Variants in RELL2 observed in about 807,000 individuals in gnomAD.
RELL2 encodes RELT-like protein 2.
Under a neutral mutation model 27.5 loss-of-function variants are expected in RELL2, and 18 were observed. The ratio of observed to expected loss-of-function variants is 0.65; its 90% CI spans 0.45 to 0.97. The LOEUF (loss-of-function observed/expected upper bound fraction) is 0.97, where lower values mean the gene tolerates loss of function less well. RELL2 is among the 50% of genes least tolerant of loss of function. RELL2 has a pLI of 0.00. For synonymous variants in RELL2, 156 were observed against 147.5 expected, an observed-to-expected ratio of 1.06 and a Z score of -0.42; for missense variants, 370 against 397.5, an observed-to-expected ratio of 0.93 and a Z score of 0.59.
Position 141,637,157 on chromosome 5 carries a change from A to T in RELL2, c.-1069A>T. Reference sequence around the variant, plus strand: ...GTGGTCACTTCTCTAGGAAGCTCCGAAGATCCCGCCACTCCGTCCCTCAAA... The same window carrying T: ...GTGGTCACTTCTCTAGGAAGCTCCGTAGATCCCGCCACTCCGTCCCTCAAA... On this transcript the variant is annotated 5_prime_UTR_variant, in exon 1 of 7. Transcript: ENST00000297164. The T allele has an allele frequency of 4.6e-6, 1 of 219,392 alleles. No homozygotes were observed. Among genetic ancestry groups the T allele is most frequent in the Non-Finnish European group, 8.9e-6 (1 of 111,964 alleles). 13.6% of individuals were successfully genotyped at this position (219,392 alleles called of 1,614,324 possible).
In RELL2 at chr5:141,639,073, T is replaced by A; in HGVS notation, c.317+52T>A. On this transcript the variant is annotated intron_variant, in intron 3 of 6. Transcript: ENST00000297164. The surrounding 1 kb of genome is among the most constrained non-coding windows in gnomAD (Gnocchi z 4.4). ...ACTTAGCTTGCCTTGGAGAGTATCCTCTCCTCCAGCACAATCCTCTCCCAG... is the reference window on the plus strand; with the variant it reads ...ACTTAGCTTGCCTTGGAGAGTATCCACTCCTCCAGCACAATCCTCTCCCAG... 6.7e-7 allele frequency: 1 copy of A among 1,491,378 alleles called. No individual in the cohort carries two copies. The highest frequency in any genetic ancestry group is 1.2e-5 in the South Asian group (1 of 85,610). The allele number at this position is 1,491,378 out of a possible 1,614,324, so 92.4% of individuals were successfully genotyped here.
chr5:141,640,798 GCA>G lies in RELL2; in HGVS notation c.*132_*133del, dbSNP rs1264106682. On this transcript the variant is annotated 3_prime_UTR_variant, in exon 7 of 7. Transcript: ENST00000297164. ...ACCAGCTCTACTTCCACCTGGAGTT[GCA>G]CAGTCTCAGGCTGGGGGCCTCAGGA... 4.4e-6 allele frequency: 4 copies of G among 902,734 alleles called. No homozygotes were observed. The highest frequency in any genetic ancestry group is 3.4e-5 in the African/African-American group (2 of 59,524). The allele number at this position is 902,734 out of a possible 1,614,324, so 55.9% of individuals were successfully genotyped here.
Position 141,640,120 on chromosome 5 carries a change from C to G in RELL2, c.704C>G (p.Pro235Arg). ...ERPQPQVLAS[P>R]PVQNGGLRDS... ...CCACAGCCCCAGGTCCTAGCCAGCC[C>G]CCCAGTACAGAATGGAGGACTCAGG... is the stretch of plus-strand genomic sequence containing the variant. Residue 235 changes from proline (P) to arginine (R), a missense_variant, in exon 5 of 7, where the codon CCC (proline) becomes CGC (arginine). Physicochemically the swap from Pro to Arg is moderately radical, Grantham distance 103. Transcript: ENST00000297164. 2 of 1,613,996 alleles carry G rather than the reference C, an allele frequency of 1.2e-6. No individual in the cohort carries two copies. The highest frequency in any genetic ancestry group is 1.7e-6 in the Non-Finnish European group (2 of 1,179,922).
chr5:141,640,121 C>A lies in RELL2; in HGVS notation c.705C>A (p.Pro235=), dbSNP rs1246446522. Residue 235 remains proline, a synonymous_variant, in exon 5 of 7, where the codon CCC becomes CCA. Coordinates refer to ENST00000297164, the MANE Select transcript of RELL2 (RefSeq NM_173828.5). ...CACAGCCCCAGGTCCTAGCCAGCCC[C>A]CCAGTACAGAATGGAGGACTCAGGG... ...ERPQPQVLAS[P]PVQNGGLRDS... 6.2e-7 allele frequency: 1 copy of A among 1,614,012 alleles called. No homozygotes were observed.
rs2099906558 is a variant in RELL2, at chr5:141,639,225, C to A, written c.317+204C>A. 1.6e-5 allele frequency: 10 copies of A among 614,926 alleles called. No individual in the cohort carries two copies. Among genetic ancestry groups the A allele is most frequent in the Non-Finnish European group, 2.8e-5 (10 of 351,276 alleles). 38.1% of individuals were successfully genotyped at this position (614,926 alleles called of 1,614,324 possible). On this transcript the variant is annotated intron_variant, in intron 3 of 6. Transcript: ENST00000297164. The surrounding 1 kb of genome is among the most constrained non-coding windows in gnomAD (Gnocchi z 4.4). ...TCTAGATATCATCAAGCCTAACATT[C>A]ACCTCTAGTGCCACTCCTTTGGGTT...
chr5:141,639,699 A>G lies in RELL2; in HGVS notation c.503+50A>G. 1 of 1,526,856 alleles carries G rather than the reference A, an allele frequency of 6.5e-7. No individual in the cohort carries two copies. The highest frequency in any genetic ancestry group is 1.4e-5 in the African/African-American group (1 of 72,174). 94.6% of individuals were successfully genotyped at this position (1,526,856 alleles called of 1,614,324 possible). Reference sequence around the variant, plus strand: ...GGGGGCTGAGGTAGGGGGCCCAGTGATCAGGCACCTGATCCCAAAAGTGGG... The same window carrying G: ...GGGGGCTGAGGTAGGGGGCCCAGTGGTCAGGCACCTGATCCCAAAAGTGGG... On this transcript the variant is annotated intron_variant, in intron 4 of 6. Transcript: ENST00000297164. The surrounding 1 kb of genome is among the most constrained non-coding windows in gnomAD (Gnocchi z 4.4).
At position 141,640,002 on chromosome 5, in the gene RELL2, G is replaced by T; in HGVS notation, c.586G>T (p.Gly196Cys). ...CCCCACAGACAGGAGCTGGGGCTCT[G>T]GTGGGGGACAGGACCCAGGGGGTGG... ...GSPTDRSWGS[G>C]GGQDPGGGQG... The change falls in exon 5 of 7, where the codon GGT becomes TGT. Residue 196 changes from glycine to cysteine, a missense_variant. Physicochemically the swap from Gly to Cys is radical, Grantham distance 159. Transcript: ENST00000297164. 6.2e-7 allele frequency: 1 copy of T among 1,613,496 alleles called. No homozygotes were observed. Among genetic ancestry groups the T allele is most frequent in the Non-Finnish European group, 8.5e-7 (1 of 1,179,750 alleles).
Position 141,637,538 on chromosome 5 carries a change from G to C in RELL2, c.-688G>C. The C allele has an allele frequency of 6.5e-6, 1 of 152,724 alleles. No individual in the cohort carries two copies. The allele number at this position is 152,724 out of a possible 1,614,324, so 9.5% of individuals were successfully genotyped here. A position where few individuals can be genotyped will look rare whatever the true frequency, so the allele number is the denominator to read the frequency against. On this transcript the variant is annotated 5_prime_UTR_variant, in exon 1 of 7. Transcript: ENST00000297164. Reference sequence around the variant, plus strand: ...CGGAGCCTGCCACCGCTCTCAGCCAGCCCGCATCCTTCTCTGTTCTTCCCT... The same window carrying C: ...CGGAGCCTGCCACCGCTCTCAGCCACCCCGCATCCTTCTCTGTTCTTCCCT...
At chr5:141,638,439 G>A (rs895360611) in intron 1 of RELL2, 30 bp downstream of exon 1, 1 of 1,581,206 alleles carries the variant, frequency 6.3e-7, no homozygotes. Context: ...CCCTGGCTCA[G>A]TCACCTTTCA....
Position 141,640,388 on chromosome 5 carries a change from G to C in RELL2, c.880-24G>C, listed in dbSNP as rs775287532. 9 of 1,614,022 alleles carry C rather than the reference G, an allele frequency of 5.6e-6. No individual in the cohort carries two copies. In the African/African-American group the frequency reaches 8.0e-5, roughly 14 times the overall value. On this transcript the variant is annotated intron_variant, in intron 5 of 6. Transcript: ENST00000297164. Reference sequence around the variant, plus strand: ...TAGGACCTACTCCTGGTCTCTCATTGTTGACCCCTCCCCTTTCTCTCAGGT... The same window carrying C: ...TAGGACCTACTCCTGGTCTCTCATTCTTGACCCCTCCCCTTTCTCTCAGGT...
rs2154598247 is a variant in RELL2 at position 141,640,449 on chromosome 5, A to C, written c.*1+4A>C. ...CAGGGAGCAGGGAGTATGTGAGGTGAGTCTGCCTGAGCCCTAAATGAGGTA... is the reference window on the plus strand; with the variant it reads ...CAGGGAGCAGGGAGTATGTGAGGTGCGTCTGCCTGAGCCCTAAATGAGGTA... On this transcript the variant is annotated splice_donor_region_variant and intron_variant, in intron 6 of 6. Transcript: ENST00000297164. The C allele has an allele frequency of 1.2e-6, 2 of 1,614,114 alleles. No individual in the cohort carries two copies. The highest frequency in any genetic ancestry group is 2.2e-5 in the East Asian group (1 of 44,874).
chr5:141,638,396 C>T lies in RELL2; in HGVS notation c.171C>T (p.Ala57=). The change falls in exon 1 of 7, where the codon GCC becomes GCT. Residue 57 remains alanine, a synonymous_variant. Transcript: ENST00000297164. ...CGAGGGGCTCTGAGCCTGACGATGCCCAGCTTCAGCCCCGTGAGTGAGGAG... is the reference window on the plus strand; with the variant it reads ...CGAGGGGCTCTGAGCCTGACGATGCTCAGCTTCAGCCCCGTGAGTGAGGAG... ...RTSRGSEPDD[A]QLQPPEDDDM... is the part of the protein sequence containing the mutation. The T allele has an allele frequency of 1.2e-6, 2 of 1,610,386 alleles. No individual in the cohort carries two copies. Among genetic ancestry groups the T allele is most frequent in the Non-Finnish European group, 1.7e-6 (2 of 1,179,200 alleles).
In RELL2 at chr5:141,640,080, C is replaced by T. The variant is rs147092968; in HGVS notation, c.664C>T (p.Leu222=). 1.2e-6 allele frequency: 2 copies of T among 1,613,468 alleles called. No homozygotes were observed. The highest frequency in any genetic ancestry group is 2.2e-5 in the East Asian group (1 of 44,858). The part of the protein sequence containing the change: ...PKAGMPAMER[L]PPERPQPQVL... ...GGCAGGGATGCCTGCCATGGAGAGG[C>T]TGCCCCCTGAGAGGCCACAGCCCCA... The change falls in exon 5 of 7, where the codon CTG becomes TTG. Residue 222 remains leucine (L), a synonymous_variant. Coordinates refer to ENST00000297164, the MANE Select transcript of RELL2 (RefSeq NM_173828.5).
Position 141,637,033 on chromosome 5 carries a change from C to A in RELL2, c.-1193C>A. 2.7e-6 allele frequency: 1 copy of A among 367,214 alleles called. No homozygotes were observed. Among genetic ancestry groups the A allele is most frequent in the Non-Finnish European group, 4.8e-6 (1 of 207,612 alleles). The allele number at this position is 367,214 out of a possible 1,614,324, so 22.7% of individuals were successfully genotyped here. A position where few individuals can be genotyped will look rare whatever the true frequency, so the allele number is the denominator to read the frequency against. On this transcript the variant is annotated 5_prime_UTR_variant, in exon 1 of 7. Coordinates refer to ENST00000297164, the MANE Select transcript of RELL2 (RefSeq NM_173828.5). Reference sequence around the variant, plus strand: ...GTTGGGCAGGGAACTGGCAGCATAGCTCCTAGGATGCGAGGGCCATTTGTC... The same window carrying A: ...GTTGGGCAGGGAACTGGCAGCATAGATCCTAGGATGCGAGGGCCATTTGTC...
Position 141,640,735 on chromosome 5 carries a change from C to T in RELL2, c.*66C>T, listed in dbSNP as rs1279591028. The T allele has an allele frequency of 1.4e-6, 2 of 1,447,894 alleles. No individual in the cohort carries two copies. The highest frequency in any genetic ancestry group is 4.1e-5 in the Admixed American group (2 of 48,774). 89.7% of individuals were successfully genotyped at this position (1,447,894 alleles called of 1,614,324 possible). A position where few individuals can be genotyped will look rare whatever the true frequency, so the allele number is the denominator to read the frequency against. On this transcript the variant is annotated 3_prime_UTR_variant, in exon 7 of 7. Transcript: ENST00000297164. ...CAGGGGGTGGGTGGGCGTGAAAGCC[C>T]TCCCCTCCACTGGACAGCACTGCCC...
intron 1 of RELL2, 109 bp downstream of exon 1, chr5:141,638,518 G>T (rs2099906432): frequency 1.9e-6 from 2 of 1,068,136 alleles, no homozygotes; most frequent in East Asian, 2.5e-5. Context: ...ACCTGCTCAG[G>T]AAGCCTAGTG....
chr5:141,640,189 C>G lies in RELL2; in HGVS notation c.773C>G (p.Ala258Gly), dbSNP rs1167546651. The change falls in exon 5 of 7, where the codon GCT becomes GGT. Residue 258 changes from alanine (A) to glycine (G), a missense_variant. Ala to Gly is a moderately conservative substitution (Grantham distance 60). Transcript: ENST00000297164. The stretch of plus-strand genomic sequence containing the variant: ...CGTGCACTTGAAGGGAACCCCAGAG[C>G]TTCTGCAGAGCCAACACTGAGGGCC... ...TPRALEGNPR[A>G]SAEPTLRAGG... 6.2e-7 allele frequency: 1 copy of G among 1,614,068 alleles called. No individual in the cohort carries two copies. The highest frequency in any genetic ancestry group is 1.3e-5 in the African/African-American group (1 of 74,936).
At chr5:141,640,573 G>T (rs534561023) in intron 6 of RELL2, 98 bp from the exon 7 acceptor site, 1 of 1,556,270 alleles carries the variant, frequency 6.4e-7, no homozygotes, top group African/African-American at 1.4e-5. Context: ...AAATCCCTTG[G>T]TTTGGTGGTG....
At chr5:141,640,630 T>C in intron 6 of RELL2, 41 bp from the exon 7 acceptor site, 1 of 1,539,444 alleles carries the variant, frequency 6.5e-7, no homozygotes, top group Non-Finnish European at 8.7e-7. Flanking sequence ...TGGACACAGC[T>C]TGAACAGGAA....
Sources: allele counts gnomAD v4.1 joint callset, GRCh38; gene constraint gnomAD v4.1.1; non-coding constraint Gnocchi (gnomAD v3.1); transcripts MANE v1.5; gene names NCBI Gene and HGNC (gene_info 2026-07-23, HGNC 2026-07-21).